GALP: variants seen among roughly 807,000 people sequenced by gnomAD.
GALP encodes galanin-like peptide.
A neutral mutation model predicts 15.2 loss-of-function variants in GALP; 12 were observed. The observed-to-expected ratio is 0.79, with a 90% CI of 0.51 to 1.28. The LOEUF is 1.28. Ranked by LOEUF, GALP falls within the 50% of genes most tolerant of loss-of-function variation. The probability of loss-of-function intolerance (pLI) is 0.00; values close to 1 mark genes in which losing one functional copy is unlikely to be tolerated. For synonymous variants in GALP, 58 were observed against 55.1 expected, an observed-to-expected ratio of 1.05 and a Z score of -0.23; for missense variants, 161 against 145.6, an observed-to-expected ratio of 1.11 and a Z score of -0.55.
rs556257051 is a variant in GALP, at chr19:56,177,107, C to T, written c.-2C>T. ...CTGTAGGCACCTGTCGTCCTGCCTT[C>T]GATGGCTCCTCCCTCCGTCCCCCTG... On this transcript the variant is annotated 5_prime_UTR_variant, in exon 2 of 6. Transcript: ENST00000357330. 5 of 1,612,358 alleles carry T rather than the reference C, an allele frequency of 3.1e-6. No homozygotes were observed. The highest frequency in any genetic ancestry group is 1.3e-5 in the African/African-American group (1 of 74,982).
At position 56,185,351 on chromosome 19, in the gene GALP, G is replaced by A; in HGVS notation, c.*81G>A. The A allele has an allele frequency of 1.3e-6, 1 of 781,738 alleles. No individual in the cohort carries two copies. Among genetic ancestry groups the A allele is most frequent in the Non-Finnish European group, 2.1e-6 (1 of 467,814 alleles). 48.4% of individuals were successfully genotyped at this position (781,738 alleles called of 1,614,324 possible). On this transcript the variant is annotated 3_prime_UTR_variant, in exon 6 of 6. Transcript: ENST00000357330. Reference sequence around the variant, plus strand: ...AAACCTTTTCTAGGTACCCTATGCTGAGACTAAGATCCTGAAGTTAAATAC... The same window carrying A: ...AAACCTTTTCTAGGTACCCTATGCTAAGACTAAGATCCTGAAGTTAAATAC...
rs767371769 is a variant in GALP at position 56,177,071 on chromosome 19, G to T, written c.-38G>T. On this transcript the variant is annotated splice_region_variant and 5_prime_UTR_variant, in exon 2 of 6. Coordinates refer to ENST00000357330, the MANE Select transcript of GALP (RefSeq NM_033106.4). ...TGACTGGCCGCTCTCTCCTTGCAGC[G>T]TGTTCCGCAGCTGTAGGCACCTGTC... 1 of 1,512,060 alleles carries T rather than the reference G, an allele frequency of 6.6e-7. No individual in the cohort carries two copies. The highest frequency in any genetic ancestry group is 9.1e-7 in the Non-Finnish European group (1 of 1,094,066). The allele number at this position is 1,512,060 out of a possible 1,614,324, so 93.7% of individuals were successfully genotyped here.
chr19:56,179,905 G>A (rs1295133844), intron 2 of GALP, among the ~76,000 whole-genome samples: 6 of 152,040 alleles, frequency 3.9e-5, no homozygotes, highest in East Asian at 3.9e-4. Context: ...AGGTTCAAGC[G>A]GTTCTCCTGC....
intron 5 of GALP, among the ~76,000 whole-genome samples, 184 bp downstream of exon 5, chr19:56,183,396 C>T (rs1008722082): frequency 2.6e-5 from 4 of 152,122 alleles, no homozygotes; most frequent in Admixed American, 6.6e-5. Context: ...ATCCTGGCCT[C>T]GACTGCTCCC....
intron 2 of GALP, among the ~76,000 whole-genome samples, 180 bp from the exon 3 acceptor site, chr19:56,180,406 A>G (rs2032543556): frequency 6.6e-6 from 1 of 152,100 alleles, no homozygotes; most frequent in South Asian, 2.1e-4. Flanking sequence ...CTTTCTTTCC[A>G]GGCCAGTTGG....
chr19:56,176,537 G>C (rs111838898), intron 1 of GALP, among the ~76,000 whole-genome samples: 4 of 113,674 alleles, frequency 3.5e-5, no homozygotes, highest in Admixed American at 1.9e-4. Context: ...CAGGAGGGCA[G>C]AGGGGCGGAT....
chr19:56,178,120 C>T (rs1280521447), intron 2 of GALP, among the ~76,000 whole-genome samples: 2 of 151,364 alleles, frequency 1.3e-5, no homozygotes, highest in Admixed American at 6.6e-5. Flanking sequence ...TATTTCCACA[C>T]GTGTTGTGCA....
chr19:56,185,517 G>A lies in GALP; in HGVS notation c.*247G>A, dbSNP rs2032640059. 1 of 356,006 alleles carries A rather than the reference G, an allele frequency of 2.8e-6. No individual in the cohort carries two copies. The highest frequency in any genetic ancestry group is 2.1e-5 in the African/African-American group (1 of 46,980). The allele number at this position is 356,006 out of a possible 1,614,324, so 22.1% of individuals were successfully genotyped here. On this transcript the variant is annotated 3_prime_UTR_variant, in exon 6 of 6. Coordinates refer to ENST00000357330, the MANE Select transcript of GALP (RefSeq NM_033106.4). Reference sequence around the variant, plus strand: ...ATAGTAATTCGAGGACTAGTTGGGAGATTCTGGGGTAATCAGGGAATATTC... The same window carrying A: ...ATAGTAATTCGAGGACTAGTTGGGAAATTCTGGGGTAATCAGGGAATATTC...
Position 56,183,162 on chromosome 19 carries a change from A to G in GALP, c.245A>G (p.Gln82Arg). Residue 82 changes from glutamine to arginine, a missense_variant, in exon 5 of 6, where the codon CAG (glutamine) becomes CGG (arginine). Gln to Arg is a conservative substitution (Grantham distance 43). Transcript: ENST00000357330. ...GGGCTCCCCTACTCCCACCCTCCAC[A>G]GCCCTCCAAGAGGAATGTGATGGAG... ...IDGLPYSHPP[Q>R]PSKRNVMETF... 6.2e-7 allele frequency: 1 copy of G among 1,613,844 alleles called. No homozygotes were observed. The highest frequency in any genetic ancestry group is 8.5e-7 in the Non-Finnish European group (1 of 1,179,764).
chr19:56,177,035 G>A lies in GALP; in HGVS notation c.-39-35G>A, dbSNP rs182520658. The A allele has an allele frequency of 3.5e-5, 40 of 1,132,256 alleles. No homozygotes were observed. In the East Asian group the frequency reaches 9.0e-4, roughly 25 times the overall value. The allele number at this position is 1,132,256 out of a possible 1,614,324, so 70.1% of individuals were successfully genotyped here. ...CTTATCGGAAATGCACCTGGCCCCC[G>A]CTTCGGAAAATGACTGGCCGCTCTC... On this transcript the variant is annotated intron_variant, in intron 1 of 5. Transcript: ENST00000357330.
At chr19:56,182,816 C>T (rs1474576090) in intron 4 of GALP, among the ~76,000 whole-genome samples, 2 of 152,126 alleles carry the variant, frequency 1.3e-5, no homozygotes, top group East Asian at 1.9e-4. Flanking sequence ...CATCAGTCTC[C>T]CAAAGTGCTG....
rs771519796 is a variant in GALP, at chr19:56,177,108, G to A, written c.-1G>A. 13 of 1,612,210 alleles carry A rather than the reference G, an allele frequency of 8.1e-6. No individual in the cohort carries two copies. The highest frequency in any genetic ancestry group is 2.7e-5 in the African/African-American group (2 of 74,792). ...TGTAGGCACCTGTCGTCCTGCCTTC[G>A]ATGGCTCCTCCCTCCGTCCCCCTGG... On this transcript the variant is annotated 5_prime_UTR_variant, in exon 2 of 6. Transcript: ENST00000357330.
intron 5 of GALP, among the ~76,000 whole-genome samples, chr19:56,184,488 T>TC (rs2032621613): frequency 7.0e-6 from 1 of 143,104 alleles, no homozygotes. Context: ...CTTTTTCTTT[T>TC]TTTTTTTTTT....
At chr19:56,179,312 C>CTTT (rs59121203) in intron 2 of GALP, among the ~76,000 whole-genome samples, 3,084 of 139,870 alleles carry the variant, frequency 0.022, 76 homozygotes, top group African/African-American at 0.044. Context: ...CTCTTTCTTT[C>CTTT]TTTTTTTTTT....
In GALP at chr19:56,180,911, C is replaced by CTTTTTTTT. The variant is rs751903988; in HGVS notation, c.136+280_136+281insTTTTTTTT. Among the ~76,000 whole-genome samples, 90 of 90,674 alleles carry CTTTTTTTT rather than the reference C, an allele frequency of 9.9e-4. 1 individual carries two copies. Among genetic ancestry groups the CTTTTTTTT allele is most frequent in the African/African-American group, 2.8e-3 (63 of 22,320 alleles). The allele number at this position is 90,674 out of a possible 152,430, so 59.5% of individuals were successfully genotyped here. Reference sequence around the variant, plus strand: ...TCACTCTTTCTTTCTTTCTTTCTTTCTTTCTTTTTTTTTTTTTTTTTTTTT... The same window carrying CTTTTTTTT: ...TCACTCTTTCTTTCTTTCTTTCTTTCTTTTTTTTTTTCTTTTTTTTTTTTTTTTTTTTT... On this transcript the variant is annotated intron_variant, in intron 3 of 5. Coordinates refer to ENST00000357330, the MANE Select transcript of GALP (RefSeq NM_033106.4).
chr19:56,178,522 A>AAC (rs1491349308), intron 2 of GALP, among the ~76,000 whole-genome samples: 8 of 40,496 alleles, frequency 2.0e-4, no homozygotes, highest in African/African-American at 9.9e-4. Context: ...CAACAACAAC[A>AAC]AAAAAAAAAA....
chr19:56,181,013 C>T (rs1016539800), intron 3 of GALP, among the ~76,000 whole-genome samples: 1 of 150,476 alleles, frequency 6.6e-6, no homozygotes, highest in African/African-American at 2.5e-5. Flanking sequence ...CAACCTCCGC[C>T]GCCCGAGTAG....
chr19:56,180,613 G>T lies in GALP; in HGVS notation c.115G>T (p.Ala39Ser), dbSNP rs767898833. ...ACGAGGAGGCTGGACCCTCAATAGT[G>T]CTGGCTACCTTCTGGGTCCCGGTGA... is the stretch of plus-strand genomic sequence containing the variant. ...RGRGGWTLNS[A>S]GYLLGPVLHL... is the part of the protein sequence containing the mutation. Residue 39 changes from alanine to serine, a missense_variant, in exon 3 of 6, where the codon GCT (alanine) becomes TCT (serine). By Grantham distance (99) the Ala-to-Ser change is moderately conservative. Coordinates refer to ENST00000357330, the MANE Select transcript of GALP (RefSeq NM_033106.4). 3.2e-5 allele frequency: 52 copies of T among 1,613,852 alleles called. No individual in the cohort carries two copies. The highest frequency in any genetic ancestry group is 4.2e-5 in the Non-Finnish European group (49 of 1,179,944).
At chr19:56,179,605 G>C (rs2032527503) in intron 2 of GALP, among the ~76,000 whole-genome samples, 1 of 150,090 alleles carries the variant, frequency 6.7e-6, no homozygotes, top group South Asian at 2.1e-4. Context: ...CTAATAGCAA[G>C]TTTACCTACT....
Sources: allele counts gnomAD v4.1 joint callset (sites outside exome capture counted in the v4.1 genomes callset), GRCh38; gene constraint gnomAD v4.1.1; transcripts MANE v1.5; gene names NCBI Gene and HGNC (gene_info 2026-07-23, HGNC 2026-07-21).